The following HOXA3 variants were observed in gnomAD, a reference collection of about 807,000 sequenced individuals.
The protein encoded by HOXA3 is homeobox protein Hox-A3.
Under a neutral mutation model 30.3 loss-of-function variants are expected in HOXA3, and 8 were observed. The ratio of observed to expected loss-of-function variants is 0.26; its 90% confidence interval spans 0.15 to 0.48. HOXA3 has a LOEUF of 0.48. Among genes scored for constraint, HOXA3 ranks in the 20% least tolerant of loss-of-function variants. The probability of loss-of-function intolerance (pLI) is 0.99; values close to 1 mark genes in which losing one functional copy is unlikely to be tolerated. For synonymous variants in HOXA3, 323 were observed against 273.1 expected (o/e 1.18, Z -1.80); for missense variants, 653 against 614.4 (o/e 1.06, Z -0.66).
intron 4 of HOXA3, chr7:27,116,334 G>A: frequency 6.5e-6 from 1 of 152,818 alleles, no homozygotes; most frequent in Non-Finnish European, 1.5e-5. Flanking sequence ...CTGTGCAGCC[G>A]GGGAGGAAGG....
At chr7:27,141,515 A>G in intron 1 of HOXA3, 1 of 225,930 alleles carries the variant, frequency 4.4e-6, no homozygotes, top group Non-Finnish European at 8.4e-6. Flanking sequence ...TTGAAGGGGG[A>G]CTTTTTGTGT....
At chr7:27,143,170 C>T (rs757590045) in intron 1 of HOXA3, 1 of 1,610,172 alleles carries the variant, frequency 6.2e-7, no homozygotes, top group Admixed American at 1.7e-5. Flanking sequence ...CGGCTCCGGA[C>T]GCCGTGCCAA....
chr7:27,147,612 A>C (rs1265619018), intron 1 of HOXA3: 2 of 1,613,896 alleles, frequency 1.2e-6, no homozygotes, highest in Non-Finnish European at 1.7e-6. Flanking sequence ...TGTCCGGGAG[A>C]CTCGACGCCC....
In HOXA3 at chr7:27,111,485, C is replaced by CGTGTGTGTGTGTGTGTGTGT. The variant is rs61655486; in HGVS notation, c.-120-745_-120-726dup. On this transcript the variant is annotated intron_variant, in intron 4 of 5. Coordinates refer to ENST00000612286, the MANE Select transcript of HOXA3 (RefSeq NM_153631.3). ...GGAAAACTTTGTGTGGAACACATTG[C>CGTGTGTGTGTGTGTGTGTGT]GTGTGTGTGTGTGTGTGTGTGTGTG... 3.1e-3 allele frequency among the ~76,000 whole-genome samples: 468 copies of CGTGTGTGTGTGTGTGTGTGT among 148,880 alleles called. 1 individual carries two copies. The highest frequency in any genetic ancestry group is 0.014 in the Middle Eastern group (4 of 290).
chr7:27,145,851 A>G (rs1782741407), intron 1 of HOXA3: 1 of 1,614,174 alleles, frequency 6.2e-7, no homozygotes, highest in Non-Finnish European at 8.5e-7. Flanking sequence ...CTCCTTCTCC[A>G]GCTCCAGTGT....
At position 27,147,681 on chromosome 7, in the gene HOXA3, G is replaced by A. The variant is rs149022222; in HGVS notation, c.-494+4607C>T. ...AGCCAGCCTGGTAGAGGGGCAGCTGGCCCAAGAAGGAGTCCTGGCCGCTGG... is the reference window on the plus strand; with the variant it reads ...AGCCAGCCTGGTAGAGGGGCAGCTGACCCAAGAAGGAGTCCTGGCCGCTGG... On this transcript the variant is annotated intron_variant, in intron 1 of 5. Transcript: ENST00000612286. 2.8e-5 allele frequency: 45 copies of A among 1,613,812 alleles called. No individual in the cohort carries two copies. In the African/African-American group the frequency reaches 3.1e-4, roughly 11 times the overall value.
intron 1 of HOXA3, chr7:27,143,634 T>G (rs1782654394): frequency 1.3e-6 from 2 of 1,565,966 alleles, no homozygotes; most frequent in South Asian, 2.4e-5. Flanking sequence ...GTGCTTGATT[T>G]GTGGCTCGCG....
chr7:27,142,808 C>T, intron 1 of HOXA3: 2 of 458,926 alleles, frequency 4.4e-6, no homozygotes, highest in East Asian at 7.0e-5. Flanking sequence ...GCTTCCTCCC[C>T]CTTCCAACGT....
intron 1 of HOXA3, among the ~76,000 whole-genome samples, chr7:27,146,798 A>C (rs1782784196): frequency 6.6e-6 from 1 of 152,090 alleles, no homozygotes; most frequent in Non-Finnish European, 1.5e-5. Flanking sequence ...GAGAGAGAAA[A>C]AAATCCTGAG....
At chr7:27,129,220 G>A in intron 2 of HOXA3, 3 of 1,464,198 alleles carry the variant, frequency 2.0e-6, no homozygotes, top group Non-Finnish European at 2.9e-6. Context: ...AAGATCTCTA[G>A]AAGATTATAT....
intron 4 of HOXA3, among the ~76,000 whole-genome samples, chr7:27,111,020 A>G (rs1244389611): frequency 2.0e-5 from 3 of 152,174 alleles, no homozygotes; most frequent in Middle Eastern, 3.2e-3. Context: ...GCTGATTCTC[A>G]GGAGCCGGGA....
intron 4 of HOXA3, among the ~76,000 whole-genome samples, chr7:27,112,553 T>C (rs1298125070): frequency 6.6e-6 from 1 of 152,200 alleles, no homozygotes; most frequent in Non-Finnish European, 1.5e-5. Context: ...CTTTTGGAAA[T>C]AGGAAGCTAC....
intron 2 of HOXA3, chr7:27,129,512 G>A (rs1226824371): frequency 6.2e-7 from 1 of 1,614,158 alleles, no homozygotes; most frequent in Non-Finnish European, 8.5e-7. Context: ...TCCAAGACCT[G>A]CTGCCGGGTG....
At chr7:27,147,452 C>G in intron 1 of HOXA3, 1 of 1,614,196 alleles carries the variant, frequency 6.2e-7, no homozygotes, top group East Asian at 2.2e-5. Context: ...AGGTAGTCCC[C>G]GGGGCCCCTC....
At chr7:27,114,431 A>G (rs115864212) in intron 4 of HOXA3, among the ~76,000 whole-genome samples, 1,686 of 151,564 alleles carry the variant, frequency 0.011, 36 homozygotes, top group African/African-American at 0.038. Flanking sequence ...GCAACTCCCA[A>G]ACAGATCTTT....
In HOXA3 at chr7:27,110,777, C is replaced by T; in HGVS notation, c.-120-17G>A. On this transcript the variant is annotated splice_polypyrimidine_tract_variant and intron_variant, in intron 4 of 5. Transcript: ENST00000612286. Reference sequence around the variant, plus strand: ...CGCGCAGACCTGGTGGGGCGAGAAGCGCAGCGCGGTGAGGGCTCCGCGCAA... The same window carrying T: ...CGCGCAGACCTGGTGGGGCGAGAAGTGCAGCGCGGTGAGGGCTCCGCGCAA... The T allele has an allele frequency of 1.5e-6, 2 of 1,362,820 alleles. No homozygotes were observed. The highest frequency in any genetic ancestry group is 1.9e-5 in the Admixed American group (1 of 51,910). The allele number at this position is 1,362,820 out of a possible 1,614,324, so 84.4% of individuals were successfully genotyped here.
chr7:27,144,489 G>A (rs1273462516), intron 1 of HOXA3, among the ~76,000 whole-genome samples: 1 of 152,160 alleles, frequency 6.6e-6, no homozygotes, highest in Non-Finnish European at 1.5e-5. Flanking sequence ...TCATTAGTTT[G>A]CGATTTGATT....
At chr7:27,146,299 GTAAGTAGTGTACACACTCTGAA>G (rs886385416) in intron 1 of HOXA3, among the ~76,000 whole-genome samples, 3 of 151,762 alleles carry the variant, frequency 2.0e-5, no homozygotes, top group Admixed American at 1.3e-4. Context: ...GTGGAACCAT[GTAAGTAGTGTACACACTCTGAA>G]TTCATAGTGG....
chr7:27,130,492 T>A, intron 2 of HOXA3: 1 of 1,279,378 alleles, frequency 7.8e-7, no homozygotes, highest in East Asian at 3.4e-5. Flanking sequence ...GTAGGCGGGC[T>A]CGCGGGCGGT....
Sources: allele counts gnomAD v4.1 joint callset (sites outside exome capture counted in the v4.1 genomes callset), GRCh38; gene constraint gnomAD v4.1.1; transcripts MANE v1.5; gene names NCBI Gene and HGNC (gene_info 2026-07-23, HGNC 2026-07-21).